HERC4: variants seen among roughly 807,000 people sequenced by gnomAD.
HERC4 encodes HECT and RLD domain containing E3 ubiquitin protein ligase 4, also known as probable E3 ubiquitin-protein ligase HERC4.
Under a neutral mutation model 124.3 loss-of-function variants are expected in HERC4, and 28 were observed. That is an observed-to-expected ratio of 0.23 (90% CI 0.17 to 0.31). HERC4 has a LOEUF of 0.31. Among genes scored for constraint, HERC4 ranks in the 10% least tolerant of loss-of-function variants. HERC4 has a pLI of 1.00. For synonymous variants in HERC4, 407 were observed against 421.5 expected, an observed-to-expected ratio of 0.97 and a Z score of 0.42; for missense variants, 713 against 1,229.3, an observed-to-expected ratio of 0.58 and a Z score of 6.28.
At chr10:67,995,209 T>A (rs1391424184) in intron 9 of HERC4, 2 of 450,066 alleles carry the variant, frequency 4.4e-6, no homozygotes. Flanking sequence ...GGAGAGTAGT[T>A]CCATCAGGAA....
At chr10:67,950,667 G>T (rs568082930) in intron 19 of HERC4, among the ~76,000 whole-genome samples, 54 of 152,304 alleles carry the variant, frequency 3.5e-4, no homozygotes, top group African/African-American at 1.2e-3. Flanking sequence ...TGGAAAGGAA[G>T]AAGGCTAGAG....
chr10:68,014,585 G>A lies in HERC4; in HGVS notation c.909-399C>T, dbSNP rs550900559. 2.0e-5 allele frequency among the ~76,000 whole-genome samples: 3 copies of A among 152,240 alleles called. No individual in the cohort carries two copies. In the South Asian group the frequency reaches 6.2e-4, roughly 32 times the overall value. ...AAGTCCTCCACTTGGGTATCACCGA[G>A]AAGTTTTAGGCTAAGAAATGGGAAG... On this transcript the variant is annotated intron_variant, in intron 8 of 24. Transcript: ENST00000373700.
intron 24 of HERC4, among the ~76,000 whole-genome samples, 170 bp downstream of exon 24, chr10:67,924,915 T>C (rs2030709333): frequency 2.0e-5 from 3 of 152,264 alleles, no homozygotes; most frequent in Non-Finnish European, 2.9e-5. Flanking sequence ...GAATCAATGC[T>C]ATTTTGAAGG....
At chr10:67,987,275 C>T (rs112005998) in intron 15 of HERC4, among the ~76,000 whole-genome samples, 2,164 of 152,208 alleles carry the variant, frequency 0.014, 52 homozygotes, top group African/African-American at 0.049. Context: ...CAATTTCCCC[C>T]GCTTCTCTGC....
intron 15 of HERC4, among the ~76,000 whole-genome samples, chr10:67,979,315 G>T (rs2035788480): frequency 6.6e-6 from 1 of 151,958 alleles, no homozygotes; most frequent in African/African-American, 2.4e-5. Context: ...AATAATTCTG[G>T]AGCTGAAAAA....
intron 15 of HERC4, among the ~76,000 whole-genome samples, chr10:67,968,188 T>C (rs573689328): frequency 6.6e-6 from 1 of 152,046 alleles, no homozygotes; most frequent in African/African-American, 2.4e-5. Flanking sequence ...CAGTGAGGAA[T>C]AAAAAAATCA....
chr10:68,027,385 C>T (rs552287571), intron 7 of HERC4, among the ~76,000 whole-genome samples: 21 of 152,150 alleles, frequency 1.4e-4, no homozygotes, highest in East Asian at 5.8e-4. Context: ...TCAAACAAAA[C>T]AAAAAGAACT....
intron 9 of HERC4, among the ~76,000 whole-genome samples, chr10:68,002,255 T>A (rs2037275709): frequency 6.6e-6 from 1 of 152,192 alleles, no homozygotes; most frequent in Non-Finnish European, 1.5e-5. Context: ...CTCGTCACTG[T>A]GAATAGATAA....
chr10:67,994,467 T>C (rs2036740359), intron 9 of HERC4: 1 of 152,170 alleles, frequency 6.6e-6, no homozygotes, highest in African/African-American at 2.4e-5. Context: ...AGTTTCACTC[T>C]TGTTGCCCAG....
At position 68,038,189 on chromosome 10, in the gene HERC4, A is replaced by G; in HGVS notation, c.387-20T>C. 2 of 1,279,908 alleles carry G rather than the reference A, an allele frequency of 1.6e-6. No homozygotes were observed. Among genetic ancestry groups the G allele is most frequent in the South Asian group, 2.9e-5 (2 of 69,696 alleles). The allele number at this position is 1,279,908 out of a possible 1,614,324, so 79.3% of individuals were successfully genotyped here. A position where few individuals can be genotyped will look rare whatever the true frequency, so the allele number is the denominator to read the frequency against. On this transcript the variant is annotated intron_variant, in intron 4 of 24. Coordinates refer to ENST00000373700, the MANE Select transcript of HERC4 (RefSeq NM_015601.4). The stretch of plus-strand genomic sequence containing the variant: ...ATATTTCTAGAAAAGAAGAAGACAG[A>G]TCAAGACCAGTTAATTCCATTTAAC...
At chr10:67,992,070 A>T (rs1438540181) in intron 11 of HERC4, 129 bp downstream of exon 11, 1 of 787,652 alleles carries the variant, frequency 1.3e-6, no homozygotes, top group African/African-American at 1.8e-5. Flanking sequence ...AGCTAATTGT[A>T]TTTTTTTGTA....
At chr10:67,941,890 A>T (rs984571684) in intron 19 of HERC4, among the ~76,000 whole-genome samples, 1 of 152,004 alleles carries the variant, frequency 6.6e-6, no homozygotes, top group Non-Finnish European at 1.5e-5. Context: ...TCCTGACCTC[A>T]GGTGATCTGC....
chr10:68,071,798 T>C (rs1488633759), intron 3 of HERC4, among the ~76,000 whole-genome samples: 1 of 152,032 alleles, frequency 6.6e-6, no homozygotes, highest in Non-Finnish European at 1.5e-5. Flanking sequence ...ATTTATCCAA[T>C]AAAAAATAAA....
chr10:68,065,759 CTGAGA>C (rs1479408960), intron 3 of HERC4, among the ~76,000 whole-genome samples: 7 of 152,128 alleles, frequency 4.6e-5, no homozygotes, highest in South Asian at 4.1e-4. Context: ...ACTCAGCAGG[CTGAGA>C]TAAGAGGATT....
In HERC4 at chr10:68,059,633, AATATTATATATTATATTATATATC is replaced by A. The variant is rs1564608151; in HGVS notation, c.226+13226_226+13249del. Among the ~76,000 whole-genome samples the A allele has an allele frequency of 7.0e-4, 59 of 83,864 alleles. 5 individuals carry two copies. The highest frequency in any genetic ancestry group is 9.7e-4 in the Non-Finnish European group (51 of 52,408). The allele number at this position is 83,864 out of a possible 152,430, so 55.0% of individuals were successfully genotyped here. ...TATATATCATAATATTATATATCAT[AATATTATATATTATATTATATATC>A]ATATTATATATTATATTATATATCA... On this transcript the variant is annotated intron_variant, in intron 3 of 24. Transcript: ENST00000373700.
intron 7 of HERC4, among the ~76,000 whole-genome samples, chr10:68,030,478 T>C (rs950880139): frequency 1.3e-5 from 2 of 152,148 alleles, no homozygotes; most frequent in South Asian, 2.1e-4. Flanking sequence ...ACATGGCATA[T>C]GATATATGTT....
At chr10:68,000,778 C>T (rs375827060) in intron 9 of HERC4, among the ~76,000 whole-genome samples, 2 of 151,936 alleles carry the variant, frequency 1.3e-5, no homozygotes, top group African/African-American at 2.4e-5. Flanking sequence ...GGTCTACAAG[C>T]GAAGGAATGC....
chr10:67,954,754 G>A lies in HERC4; in HGVS notation c.2194-16C>T. Reference sequence around the variant, plus strand: ...CAAATATAACCTAAAATAGCACAATGCAAACACCAAATAGACTGTAAAGAA... The same window carrying A: ...CAAATATAACCTAAAATAGCACAATACAAACACCAAATAGACTGTAAAGAA... On this transcript the variant is annotated splice_polypyrimidine_tract_variant and intron_variant, in intron 18 of 24. Coordinates refer to ENST00000373700, the MANE Select transcript of HERC4 (RefSeq NM_015601.4). 1 of 1,609,334 alleles carries A rather than the reference G, an allele frequency of 6.2e-7. No homozygotes were observed. Among genetic ancestry groups the A allele is most frequent in the South Asian group, 1.1e-5 (1 of 90,548 alleles).
At chr10:68,061,532 CAAAAAAAA>C (rs59169970) in intron 3 of HERC4, among the ~76,000 whole-genome samples, 10 of 13,988 alleles carry the variant, frequency 7.1e-4, no homozygotes, top group African/African-American at 1.6e-3. Flanking sequence ...GACTCCGTCT[CAAAAAAAA>C]AAAAAAAAAA....
Sources: gnomAD v4.1 joint callset for allele counts (sites outside exome capture counted in the v4.1 genomes callset) on GRCh38, gnomAD v4.1.1 for gene constraint, MANE v1.5 for transcripts, NCBI Gene and HGNC (gene_info 2026-07-23, HGNC 2026-07-21) for gene names.